MAP2K3: variants seen among roughly 807,000 people sequenced by gnomAD.
MAP2K3 encodes mitogen-activated protein kinase kinase 3, also known as dual specificity mitogen-activated protein kinase kinase 3.
In MAP2K3, 30 loss-of-function variants were observed where a neutral mutation model predicts 46.4. The observed-to-expected ratio is 0.65, with a 90% CI of 0.48 to 0.88. MAP2K3 has a LOEUF of 0.88. Ranked by LOEUF, MAP2K3 falls within the 40% of genes least tolerant of loss-of-function variation. The pLI, the probability that MAP2K3 is intolerant of heterozygous loss-of-function variation, is 0.00. For missense variants in MAP2K3, 380 were observed against 464.5 expected, an observed-to-expected ratio of 0.82 and a Z score of 1.67; for synonymous variants, 189 against 176.3, an observed-to-expected ratio of 1.07 and a Z score of -0.57.
intron 3 of MAP2K3, 46 bp downstream of exon 3, chr17:21,298,972 C>A: frequency 1.2e-6 from 2 of 1,613,122 alleles, no homozygotes; most frequent in African/African-American, 1.3e-5. Flanking sequence ...CTTCACCTGA[C>A]GAGCGGGTAG....
rs1416757163 is a variant in MAP2K3 at position 21,303,353 on chromosome 17, C to T, written c.568+119C>T. The T allele has an allele frequency of 5.7e-6, 8 of 1,415,580 alleles. No individual in the cohort carries two copies. The East Asian group carries it at 7.4e-5, about 13-fold the overall frequency. The allele number at this position is 1,415,580 out of a possible 1,614,324, so 87.7% of individuals were successfully genotyped here. On this transcript the variant is annotated intron_variant, in intron 7 of 11. Transcript: ENST00000342679. ...CCGAGAGGTGATAGGTTGTGACGTG[C>T]CCGATGGGGTTCCAGCCGCTTTCCA...
chr17:21,301,489 C>T (rs1188402347), intron 5 of MAP2K3, among the ~76,000 whole-genome samples: 1 of 152,310 alleles, frequency 6.6e-6, no homozygotes, highest in African/African-American at 2.4e-5. Flanking sequence ...AGGCCGGGAG[C>T]CTAGGCGATG....
intron 1 of MAP2K3, chr17:21,295,936 G>A: frequency 1.6e-6 from 2 of 1,245,256 alleles, no homozygotes; most frequent in Non-Finnish European, 2.1e-6. Flanking sequence ...CAAGGGGCTG[G>A]GGGCAAGGTC....
rs4997719 is a variant in MAP2K3, at chr17:21,296,150, C to G, written c.50-2263C>G. ...AACAGGTCCCCATCTGCGCAGTGAA[C>G]CCTGTGCTGAGCACCTTGCAGACGT... On this transcript the variant is annotated intron_variant, in intron 1 of 11. Coordinates refer to ENST00000342679, the MANE Select transcript of MAP2K3 (RefSeq NM_145109.3). 3 of 1,287,494 alleles carry G rather than the reference C, an allele frequency of 2.3e-6. No homozygotes were observed. In the Admixed American group the frequency reaches 6.9e-5, roughly 30 times the overall value. The allele number at this position is 1,287,494 out of a possible 1,614,324, so 79.8% of individuals were successfully genotyped here.
At chr17:21,290,852 G>T (rs1975880587) in intron 1 of MAP2K3, among the ~76,000 whole-genome samples, 1 of 152,428 alleles carries the variant, frequency 6.6e-6, no homozygotes, top group East Asian at 1.9e-4. Flanking sequence ...TCAGGAGGCA[G>T]AGGTGGGAGG....
chr17:21,307,627 T>C (rs1236937799), intron 9 of MAP2K3, among the ~76,000 whole-genome samples: 5 of 150,866 alleles, frequency 3.3e-5, no homozygotes, highest in African/African-American at 1.2e-4. Context: ...GTTTTACTGG[T>C]GTTGCTGCTA....
At chr17:21,291,035 G>A (rs1370116129) in intron 1 of MAP2K3, among the ~76,000 whole-genome samples, 22 of 152,418 alleles carry the variant, frequency 1.4e-4, no homozygotes, top group Admixed American at 9.1e-4. Flanking sequence ...GAGGTCAGGA[G>A]CTCGAGACCA....
At chr17:21,291,391 G>A (rs1326965916) in intron 1 of MAP2K3, 1 of 374,196 alleles carries the variant, frequency 2.7e-6, no homozygotes, top group South Asian at 1.9e-5. Flanking sequence ...AGTGATAACA[G>A]TGAAGCACAG....
At chr17:21,298,605 C>T in intron 2 of MAP2K3, 126 bp downstream of exon 2, 1 of 1,480,470 alleles carries the variant, frequency 6.8e-7, no homozygotes, top group Non-Finnish European at 9.4e-7. Context: ...GCAGCCCCTG[C>T]TGTGCATACA....
intron 6 of MAP2K3, 89 bp downstream of exon 6, chr17:21,302,348 G>A: frequency 2.1e-6 from 3 of 1,432,896 alleles, no homozygotes; most frequent in Non-Finnish European, 2.0e-6. Flanking sequence ...GCCTATTGAT[G>A]GTGTCTTGGG....
chr17:21,285,899 AT>A (rs113541487), intron 1 of MAP2K3, among the ~76,000 whole-genome samples: 27 of 148,762 alleles, frequency 1.8e-4, no homozygotes, highest in Non-Finnish European at 2.7e-4. Flanking sequence ...CAAAAGGGGA[AT>A]TTTTTTTTTT....
chr17:21,312,405 A>T (rs1162995608), intron 10 of MAP2K3, 124 bp downstream of exon 10: 3 of 990,190 alleles, frequency 3.0e-6, no homozygotes, highest in Non-Finnish European at 4.2e-6. Flanking sequence ...GCATCCAAAT[A>T]TGTAAGGCAG....
At chr17:21,301,841 C>T (rs1202915953) in intron 5 of MAP2K3, among the ~76,000 whole-genome samples, 1 of 152,308 alleles carries the variant, frequency 6.6e-6, no homozygotes, top group African/African-American at 2.4e-5. Flanking sequence ...GCAGGTGCAT[C>T]CTGAAGCTCT....
intron 9 of MAP2K3, among the ~76,000 whole-genome samples, chr17:21,307,220 T>C (rs1976933539): frequency 6.6e-6 from 1 of 152,304 alleles, no homozygotes; most frequent in Non-Finnish European, 1.5e-5. Flanking sequence ...TCTAGGGGCC[T>C]TACCCTGAGT....
chr17:21,284,720 C>T lies in MAP2K3; in HGVS notation c.-201C>T, dbSNP rs1163062521. ...CTCCCCGGCGCTGCCCAGTCTGTCT[C>T]CGGCGCCGCCCGTCGCGGACTCGTC... On this transcript the variant is annotated 5_prime_UTR_variant, in exon 1 of 12. Transcript: ENST00000342679. 39 of 505,050 alleles carry T rather than the reference C, an allele frequency of 7.7e-5. No individual in the cohort carries two copies. Among genetic ancestry groups the T allele is most frequent in the Non-Finnish European group, 1.2e-4 (34 of 295,436 alleles). The allele number at this position is 505,050 out of a possible 1,614,324, so 31.3% of individuals were successfully genotyped here.
At chr17:21,302,288 G>A (rs1442006410) in intron 6 of MAP2K3, 29 bp downstream of exon 6, 83 of 1,042,492 alleles carry the variant, frequency 8.0e-5, no homozygotes, top group Non-Finnish European at 1.1e-4. Context: ...CTGGCGGGGG[G>A]TCCTAGGTGC....
intron 9 of MAP2K3, among the ~76,000 whole-genome samples, chr17:21,307,427 GA>G (rs1684059332): frequency 6.7e-6 from 1 of 149,612 alleles, no homozygotes; most frequent in South Asian, 2.1e-4. Context: ...TGCAGATGCG[GA>G]GGCCTCTGCA....
intron 3 of MAP2K3, 123 bp downstream of exon 3, chr17:21,299,049 A>G (rs1976438575): frequency 3.5e-6 from 5 of 1,439,148 alleles, no homozygotes; most frequent in Non-Finnish European, 3.9e-6. Flanking sequence ...GGCTCTGGAG[A>G]AGAGCCTCGT....
intron 9 of MAP2K3, among the ~76,000 whole-genome samples, chr17:21,307,606 A>ATG (rs1976957061): frequency 6.7e-6 from 1 of 149,688 alleles, no homozygotes; most frequent in East Asian, 1.9e-4. Context: ...GAGTTGACGC[A>ATG]GGTGTTGTGG....
Sources: gnomAD v4.1 joint callset for allele counts (sites outside exome capture counted in the v4.1 genomes callset) on GRCh38, gnomAD v4.1.1 for gene constraint, MANE v1.5 for transcripts, NCBI Gene and HGNC (gene_info 2026-07-23, HGNC 2026-07-21) for gene names.